Variants in ATRNL1 observed in about 807,000 individuals in gnomAD.
ATRNL1 encodes attractin-like protein 1.
Under a neutral mutation model 182.7 loss-of-function variants are expected in ATRNL1, and 95 were observed. That is an observed-to-expected ratio of 0.52 (90% confidence interval 0.44 to 0.62). The LOEUF is 0.62. Ranked by LOEUF, ATRNL1 falls within the 20% of genes least tolerant of loss-of-function variation. The pLI is 0.00. For synonymous variants in ATRNL1, 576 were observed against 568.3 expected (o/e 1.01, Z -0.19); for missense variants, 1,471 against 1,679.5 (o/e 0.88, Z 2.17).
At chr10:115,497,896 T>C (rs908523789) in intron 24 of ATRNL1, among the ~76,000 whole-genome samples, 1 of 151,836 alleles carries the variant, frequency 6.6e-6, no homozygotes, top group Non-Finnish European at 1.5e-5. Flanking sequence ...GACCTCATGA[T>C]CCACCCGCCT....
At chr10:115,645,271 A>G (rs1859530200) in intron 26 of ATRNL1, among the ~76,000 whole-genome samples, 2 of 140,936 alleles carry the variant, frequency 1.4e-5, no homozygotes, top group Admixed American at 8.1e-5. Context: ...GTTTAAGCCC[A>G]TAACTCATTT....
chr10:115,832,910 G>A (rs570338831), intron 27 of ATRNL1, among the ~76,000 whole-genome samples: 24 of 152,272 alleles, frequency 1.6e-4, no homozygotes, highest in Non-Finnish European at 2.9e-4. Context: ...GATCTATGGT[G>A]AAGAGATGCA....
intron 26 of ATRNL1, among the ~76,000 whole-genome samples, chr10:115,683,844 AT>A (rs1421496060): frequency 6.6e-6 from 1 of 151,856 alleles, no homozygotes; most frequent in African/African-American, 2.4e-5. Context: ...TATGTAAGCT[AT>A]TTTTTAAGAT....
At chr10:115,136,106 C>G (rs1247512314) in intron 5 of ATRNL1, among the ~76,000 whole-genome samples, 1 of 151,922 alleles carries the variant, frequency 6.6e-6, no homozygotes, top group Non-Finnish European at 1.5e-5. Flanking sequence ...TCCAGTGATC[C>G]TCCCACCTTG....
chr10:115,588,708 G>A (rs2769416), intron 26 of ATRNL1, among the ~76,000 whole-genome samples: 72,380 of 151,932 alleles, frequency 0.48, 18,708 homozygotes, highest in East Asian at 0.84. Context: ...ACCCGTGTTG[G>A]TGTGGGTATA....
At chr10:115,835,055 A>G (rs1371689991) in intron 27 of ATRNL1, among the ~76,000 whole-genome samples, 3 of 152,132 alleles carry the variant, frequency 2.0e-5, no homozygotes, top group African/African-American at 4.8e-5. Flanking sequence ...TCAATTAATA[A>G]TAGTTGACAT....
chr10:115,658,426 T>C (rs1451931385), intron 26 of ATRNL1, among the ~76,000 whole-genome samples: 1 of 152,180 alleles, frequency 6.6e-6, no homozygotes, highest in Non-Finnish European at 1.5e-5. Context: ...ATATTTATTA[T>C]ATTTGTTGAA....
At chr10:115,439,231 T>G (rs1846548619) in intron 21 of ATRNL1, among the ~76,000 whole-genome samples, 2 of 151,858 alleles carry the variant, frequency 1.3e-5, no homozygotes, top group Admixed American at 6.6e-5. Context: ...TCTTCCTGTC[T>G]CAGAGGTGGC....
At chr10:115,462,940 G>A (rs571629137) in intron 22 of ATRNL1, among the ~76,000 whole-genome samples, 1 of 151,956 alleles carries the variant, frequency 6.6e-6, no homozygotes, top group Middle Eastern at 3.4e-3. Flanking sequence ...CCTGAGAATG[G>A]AAATATCAAC....
intron 26 of ATRNL1, among the ~76,000 whole-genome samples, chr10:115,639,303 C>G (rs1859082535): frequency 6.6e-6 from 1 of 152,126 alleles, no homozygotes; most frequent in African/African-American, 2.4e-5. Context: ...AACTATCCTT[C>G]ATGAATGAAA....
In ATRNL1 at chr10:115,241,814, A is replaced by G. The variant is rs906299418; in HGVS notation, c.1687+89A>G. On this transcript the variant is annotated intron_variant, in intron 10 of 28. Transcript: ENST00000355044. ...AAATACATTAATTGATAGCATGTGT[A>G]TATGTCATTTTAGAGTTAAGTGATA... is the stretch of plus-strand genomic sequence containing the variant. 4.5e-6 allele frequency: 5 copies of G among 1,103,088 alleles called. No homozygotes were observed. The South Asian group carries it at 5.3e-5, about 12-fold the overall frequency. 68.3% of individuals were successfully genotyped at this position (1,103,088 alleles called of 1,614,324 possible).
intron 27 of ATRNL1, among the ~76,000 whole-genome samples, chr10:115,838,104 CA>C (rs1420633829): frequency 6.6e-6 from 1 of 152,116 alleles, no homozygotes; most frequent in African/African-American, 2.4e-5. Context: ...CTGTGGCACA[CA>C]AAAGTTCAAT....
intron 8 of ATRNL1, among the ~76,000 whole-genome samples, chr10:115,179,650 C>A (rs1847670214): frequency 1.3e-5 from 2 of 151,890 alleles, no homozygotes; most frequent in Admixed American, 6.6e-5. Flanking sequence ...AACTTTTGAC[C>A]AAAATGATCC....
At chr10:115,369,289 G>A (rs868963238) in intron 19 of ATRNL1, among the ~76,000 whole-genome samples, 4 of 149,916 alleles carry the variant, frequency 2.7e-5, no homozygotes, top group Middle Eastern at 6.9e-3. Flanking sequence ...TCTTTGAAGG[G>A]GATTGGGGTT....
intron 25 of ATRNL1, among the ~76,000 whole-genome samples, chr10:115,520,979 A>G (rs1346910630): frequency 5.9e-5 from 9 of 152,218 alleles, no homozygotes; most frequent in African/African-American, 2.2e-4. Flanking sequence ...GTTCCTTAAA[A>G]TGAAATTTGA....
chr10:115,216,503 ATCT>A (rs1294004358), intron 9 of ATRNL1, among the ~76,000 whole-genome samples: 1 of 152,138 alleles, frequency 6.6e-6, no homozygotes, highest in Non-Finnish European at 1.5e-5. Flanking sequence ...TATTGTAAAC[ATCT>A]TCTTATGTGT....
chr10:115,307,462 A>G (rs971556215), intron 17 of ATRNL1, among the ~76,000 whole-genome samples: 1 of 152,052 alleles, frequency 6.6e-6, no homozygotes, highest in Non-Finnish European at 1.5e-5. Context: ...GGGTTTCACC[A>G]TGTTGGCCAG....
intron 8 of ATRNL1, among the ~76,000 whole-genome samples, chr10:115,195,919 T>A (rs1554890919): frequency 6.6e-6 from 1 of 152,106 alleles, no homozygotes; most frequent in Non-Finnish European, 1.5e-5. Flanking sequence ...AGGAGATGTT[T>A]TATAATTTTG....
chr10:115,331,129 G>A (rs1855197174), intron 18 of ATRNL1, among the ~76,000 whole-genome samples: 1 of 151,606 alleles, frequency 6.6e-6, no homozygotes, highest in African/African-American at 2.4e-5. Context: ...GTGCAATCTC[G>A]GCTCACTGCA....
Sources: allele counts gnomAD v4.1 joint callset (sites outside exome capture counted in the v4.1 genomes callset), GRCh38; gene constraint gnomAD v4.1.1; transcripts MANE v1.5; gene names NCBI Gene and HGNC (gene_info 2026-07-23, HGNC 2026-07-21).